Variants in CLEC3A observed in about 807,000 individuals in gnomAD.
The protein encoded by CLEC3A is C-type lectin domain family 3 member A, also known as C-type (calcium dependent, carbohydrate-recognition domain) lectin, superfamily member 1 (cartilage-derived).
In CLEC3A, 28 loss-of-function variants were observed where a neutral mutation model predicts 20.4. The ratio of observed to expected loss-of-function variants is 1.37; its 90% CI spans 1.02 to 1.88. The LOEUF is 1.88. Among genes scored for constraint, CLEC3A ranks in the 40% most tolerant of loss-of-function variants. The pLI is 0.00. For missense variants in CLEC3A, 357 were observed against 240.4 expected (o/e 1.48, Z -3.21); for synonymous variants, 110 against 88.1 (o/e 1.25, Z -1.39).
chr16:78,030,144 C>T (rs919177709), intron 2 of CLEC3A, among the ~76,000 whole-genome samples: 1 of 105,546 alleles, frequency 9.5e-6, no homozygotes, highest in African/African-American at 3.6e-5. Context: ...CAGAGCGAGA[C>T]TCCAACTCAA....
intron 1 of CLEC3A, among the ~76,000 whole-genome samples, chr16:78,024,675 T>C (rs981292391): frequency 3.3e-5 from 5 of 152,126 alleles, no homozygotes; most frequent in Admixed American, 6.5e-5. Context: ...CCATATACTT[T>C]TAAAATAGTT....
chr16:78,023,500 G>GA (rs916560026), intron 1 of CLEC3A, among the ~76,000 whole-genome samples: 5 of 151,862 alleles, frequency 3.3e-5, no homozygotes, highest in Admixed American at 2.0e-4. Flanking sequence ...CTAAGCAAAA[G>GA]AAAAAAACAA....
At chr16:78,023,019 A>C (rs2018769499) in intron 1 of CLEC3A, among the ~76,000 whole-genome samples, 1 of 152,252 alleles carries the variant, frequency 6.6e-6, no homozygotes, top group African/African-American at 2.4e-5. Flanking sequence ...GTGGGCTTAA[A>C]TAGAATGTGC....
At chr16:78,023,165 A>G (rs777315989) in intron 1 of CLEC3A, among the ~76,000 whole-genome samples, 12 of 152,230 alleles carry the variant, frequency 7.9e-5, no homozygotes, top group Non-Finnish European at 1.8e-4. Flanking sequence ...GATAACTATA[A>G]TCTTATTCAA....
intron 2 of CLEC3A, among the ~76,000 whole-genome samples, chr16:78,030,171 A>AAT (rs1491177372): frequency 5.4e-5 from 8 of 148,846 alleles, no homozygotes; most frequent in African/African-American, 2.1e-4. Context: ...AAAAAAAAAA[A>AAT]TGCTAAGGTG....
rs1246908894 is a variant in CLEC3A at position 78,022,620 on chromosome 16, C to T, written c.-7C>T. Reference sequence around the variant, plus strand: ...GCAACATGGCTCAGCAGGCTTGCCCCAGAGCCATGGCAAAGAATGGACTTG... The same window carrying T: ...GCAACATGGCTCAGCAGGCTTGCCCTAGAGCCATGGCAAAGAATGGACTTG... On this transcript the variant is annotated 5_prime_UTR_variant, in exon 1 of 3. Coordinates refer to ENST00000299642, the MANE Select transcript of CLEC3A (RefSeq NM_005752.6). 4 of 1,613,968 alleles carry T rather than the reference C, an allele frequency of 2.5e-6. No individual in the cohort carries two copies. Among genetic ancestry groups the T allele is most frequent in the Non-Finnish European group, 3.4e-6 (4 of 1,179,940 alleles).
At chr16:78,024,461 C>A (rs2018787200) in intron 1 of CLEC3A, among the ~76,000 whole-genome samples, 1 of 152,060 alleles carries the variant, frequency 6.6e-6, no homozygotes, top group Admixed American at 6.5e-5. Context: ...CCTTCTTCCC[C>A]ACTGCCTCTG....
intron 2 of CLEC3A, chr16:78,029,179 G>A (rs779607776): frequency 1.3e-4 from 61 of 454,592 alleles, no homozygotes; most frequent in Admixed American, 6.6e-4. Context: ...TACACAGCTA[G>A]TTAAATGTCA....
rs561699761 is a variant in CLEC3A at position 78,030,217 on chromosome 16, G to C, written c.200-230G>C. 4.0e-5 allele frequency among the ~76,000 whole-genome samples: 6 copies of C among 150,346 alleles called. 1 individual carries two copies. The South Asian group carries it at 6.3e-4, about 16-fold the overall frequency. On this transcript the variant is annotated intron_variant, in intron 2 of 2. Coordinates refer to ENST00000299642, the MANE Select transcript of CLEC3A (RefSeq NM_005752.6). Reference sequence around the variant, plus strand: ...CAACTTCTCTAAGCCTAAATATCCTGATATGTAAAAATAGGGGTAATAAAA... The same window carrying C: ...CAACTTCTCTAAGCCTAAATATCCTCATATGTAAAAATAGGGGTAATAAAA...
At position 78,028,150 on chromosome 16, in the gene CLEC3A, A is replaced by AG. The variant is rs771510235; in HGVS notation, c.160dup (p.Glu54GlyfsTer20). 6.2e-7 allele frequency: 1 copy of AG among 1,611,478 alleles called. No individual in the cohort carries two copies. The highest frequency in any genetic ancestry group is 1.3e-5 in the African/African-American group (1 of 74,720). On this transcript the variant is annotated frameshift_variant, in exon 2 of 3. Transcript: ENST00000299642. LOFTEE classifies it high-confidence loss of function. ...AGACTCAAATTGAAAAGCTCTGGAC[A>AG]GAAGTCAATGCCTTGAAGGAAATTC...
In CLEC3A at chr16:78,030,881, A is replaced by C. The variant is rs1343881575; in HGVS notation, c.*40A>C. 2 of 1,547,428 alleles carry C rather than the reference A, an allele frequency of 1.3e-6. No homozygotes were observed. Among genetic ancestry groups the C allele is most frequent in the Non-Finnish European group, 1.7e-6 (2 of 1,148,182 alleles). ...TGTCCTCCAAGCAAGATTCATCATA[A>C]CTTATAGGTTCATGATCTCTAAGAT... On this transcript the variant is annotated 3_prime_UTR_variant, in exon 3 of 3. Coordinates refer to ENST00000299642, the MANE Select transcript of CLEC3A (RefSeq NM_005752.6).
chr16:78,024,269 G>A (rs1417194054), intron 1 of CLEC3A, among the ~76,000 whole-genome samples: 1 of 152,114 alleles, frequency 6.6e-6, no homozygotes, highest in African/African-American at 2.4e-5. Context: ...CGTGAGAGTG[G>A]CGATCACCCA....
Position 78,022,719 on chromosome 16 carries a change from G to A in CLEC3A, c.93G>A (p.Lys31=). ...ACACATCCAGATTAAAAGCCAGGAA[G>A]CACAGCAAACGTCGAGTGAGAGGTA... The part of the protein sequence containing the change: ...TSHTSRLKAR[K]HSKRRVRDKD... The change falls in exon 1 of 3, where the codon AAG becomes AAA. Residue 31 remains lysine (K), a synonymous_variant. Transcript: ENST00000299642. 2 of 1,614,168 alleles carry A rather than the reference G, an allele frequency of 1.2e-6. No homozygotes were observed. The highest frequency in any genetic ancestry group is 1.7e-6 in the Non-Finnish European group (2 of 1,180,032).
intron 1 of CLEC3A, among the ~76,000 whole-genome samples, chr16:78,026,608 C>T (rs1361663316): frequency 1.3e-5 from 2 of 152,198 alleles, no homozygotes; most frequent in Admixed American, 1.3e-4. Flanking sequence ...GTGTCTCTCT[C>T]AAAGCACTAC....
intron 1 of CLEC3A, among the ~76,000 whole-genome samples, chr16:78,025,912 C>T (rs1411395000): frequency 2.0e-5 from 3 of 152,170 alleles, no homozygotes; most frequent in Admixed American, 6.5e-5. Flanking sequence ...TTTACAATCT[C>T]CCAGTAGAGG....
intron 1 of CLEC3A, among the ~76,000 whole-genome samples, chr16:78,027,765 C>T (rs1282911836): frequency 2.0e-5 from 3 of 152,136 alleles, no homozygotes; most frequent in African/African-American, 4.8e-5. Flanking sequence ...AAGCAGTTCT[C>T]ATGCCTCAGC....
chr16:78,029,039 C>T (rs1277547354), intron 2 of CLEC3A: 3 of 440,244 alleles, frequency 6.8e-6, no homozygotes, highest in Non-Finnish European at 1.4e-5. Flanking sequence ...ATCCTTTACC[C>T]ACAGTCAGGT....
At position 78,030,681 on chromosome 16, in the gene CLEC3A, A is replaced by G. The variant is rs1317736238; in HGVS notation, c.434A>G (p.Asn145Ser). ...MVTEGKFVDV[N>S]GIAISFLNWD... ...ACGGAAGGCAAGTTTGTTGACGTCA[A>G]CGGAATCGCTATCTCCTTCCTCAAC... The change falls in exon 3 of 3, where the codon AAC (asparagine) becomes AGC (serine). Residue 145 changes from asparagine (N) to serine (S), a missense_variant. Asn to Ser is a conservative substitution (Grantham distance 46, BLOSUM62 1). Coordinates refer to ENST00000299642, the MANE Select transcript of CLEC3A (RefSeq NM_005752.6). The G allele has an allele frequency of 4.1e-5, 66 of 1,614,064 alleles. No individual in the cohort carries two copies. The highest frequency in any genetic ancestry group is 4.7e-5 in the Non-Finnish European group (55 of 1,180,054).
intron 2 of CLEC3A, among the ~76,000 whole-genome samples, chr16:78,029,947 A>C (rs2030038511): frequency 6.6e-6 from 1 of 151,940 alleles, no homozygotes. Flanking sequence ...AGGTCAGGAG[A>C]TCGAGACCAT....
Sources: allele counts gnomAD v4.1 joint callset (sites outside exome capture counted in the v4.1 genomes callset), GRCh38; gene constraint gnomAD v4.1.1; transcripts MANE v1.5; gene names NCBI Gene and HGNC (gene_info 2026-07-23, HGNC 2026-07-21).